SDK1: variants seen among roughly 807,000 people sequenced by gnomAD.
SDK1 encodes protein sidekick-1.
Under a neutral mutation model 245.5 loss-of-function variants are expected in SDK1, and 157 were observed. The observed-to-expected ratio is 0.64, with a 90% CI of 0.56 to 0.73. SDK1 has a LOEUF of 0.73. Ranked by LOEUF, SDK1 falls within the 30% of genes least tolerant of loss-of-function variation. The pLI is 0.00. For synonymous variants in SDK1, 1,647 were observed against 1,278.5 expected (o/e 1.29, Z -6.15); for missense variants, 3,583 against 3,002.3 (o/e 1.19, Z -4.52).
In SDK1 at chr7:4,267,101, GTT is replaced by G. The variant is rs1408953655; in HGVS notation, c.*1720_*1721del. On this transcript the variant is annotated 3_prime_UTR_variant, in exon 45 of 45. Coordinates refer to ENST00000404826, the MANE Select transcript of SDK1 (RefSeq NM_152744.4). ...GTATGGCCCCAGGAGACCAAGGAGA[GTT>G]TTGTATAGGCTGGAAAACCCCTTTT... 1.1e-5 allele frequency: 11 copies of G among 985,346 alleles called. No homozygotes were observed. The highest frequency in any genetic ancestry group is 1.3e-5 in the Non-Finnish European group (11 of 829,962). The allele number at this position is 985,346 out of a possible 1,614,324, so 61.0% of individuals were successfully genotyped here. A position where few individuals can be genotyped will look rare whatever the true frequency, so the allele number is the denominator to read the frequency against.
rs535883753 is a variant in SDK1 at position 3,529,340 on chromosome 7, G to T, written c.299-89740G>T. ...AAAGGGAAGGGAACCAAGGCTCCTT[G>T]AAGGAATAGTTAATTCCAGGATAAG... is the stretch of plus-strand genomic sequence containing the variant. On this transcript the variant is annotated intron_variant, in intron 1 of 44. Transcript: ENST00000404826. Among the ~76,000 whole-genome samples, 8 of 152,302 alleles carry T rather than the reference G, an allele frequency of 5.3e-5. No homozygotes were observed. The South Asian group carries it at 1.7e-3, about 32-fold the overall frequency.
chr7:3,779,658 C>T (rs990489231), intron 4 of SDK1, among the ~76,000 whole-genome samples: 12 of 152,230 alleles, frequency 7.9e-5, no homozygotes, highest in Non-Finnish European at 1.3e-4. Context: ...TGAGTCCGGG[C>T]GCGGTGGCTC....
rs534031413 is a variant in SDK1 at position 4,116,711 on chromosome 7, C to G, written c.3823+2437C>G. Among the ~76,000 whole-genome samples the G allele has an allele frequency of 1.6e-3, 237 of 152,322 alleles. 2 individuals are homozygous for G. Among genetic ancestry groups the G allele is most frequent in the African/African-American group, 5.5e-3 (229 of 41,556 alleles). On this transcript the variant is annotated intron_variant, in intron 25 of 44. Coordinates refer to ENST00000404826, the MANE Select transcript of SDK1 (RefSeq NM_152744.4). ...TCAGAGGGCAGGAGGTGAGGGTAGACAGGAGGACTCTTAAGCAGTAGCAGG... is the reference window on the plus strand; with the variant it reads ...TCAGAGGGCAGGAGGTGAGGGTAGAGAGGAGGACTCTTAAGCAGTAGCAGG...
At chr7:4,203,632 C>T (rs7801698) in intron 35 of SDK1, among the ~76,000 whole-genome samples, 1 of 151,838 alleles carries the variant, frequency 6.6e-6, no homozygotes, top group Admixed American at 6.6e-5. Flanking sequence ...TGCTCCGTGT[C>T]TCCCAAACTG....
chr7:3,368,706 C>G (rs1781151112), intron 1 of SDK1, among the ~76,000 whole-genome samples: 1 of 152,180 alleles, frequency 6.6e-6, no homozygotes, highest in Non-Finnish European at 1.5e-5. Context: ...AGCATCAGGA[C>G]ACTGTCTGTG....
At chr7:4,194,410 A>ATGTGTATACATATATGTATGCACG (rs1562416239) in intron 35 of SDK1, among the ~76,000 whole-genome samples, 1 of 98,780 alleles carries the variant, frequency 1.0e-5, no homozygotes, top group Admixed American at 9.2e-5. Context: ...ATGTATGCAC[A>ATGTGTATACATATATGTATGCACG]TATGTGTATA....
intron 6 of SDK1, 151 bp from the exon 7 acceptor site, chr7:3,951,579 A>G: frequency 4.7e-6 from 3 of 642,954 alleles, no homozygotes; most frequent in Non-Finnish European, 8.2e-6. Flanking sequence ...GTAGAGTTAC[A>G]TCTAGATTGA....
chr7:3,654,300 T>G (rs140163472), intron 4 of SDK1, among the ~76,000 whole-genome samples: 2,220 of 152,218 alleles, frequency 0.015, 18 homozygotes, highest in Non-Finnish European at 0.021. Context: ...TGGGGCAAAT[T>G]AGTGTCCCTC....
intron 1 of SDK1, among the ~76,000 whole-genome samples, chr7:3,495,873 C>T (rs927836991): frequency 5.3e-5 from 8 of 152,216 alleles, no homozygotes; most frequent in African/African-American, 1.4e-4. Context: ...TGCCAGCGGT[C>T]TCCTGAGTTA....
At chr7:3,444,499 A>G (rs1040973594) in intron 1 of SDK1, among the ~76,000 whole-genome samples, 4 of 152,168 alleles carry the variant, frequency 2.6e-5, no homozygotes, top group Admixed American at 6.5e-5. Context: ...AAAAAGAGGA[A>G]CTATTTTCTC....
At chr7:3,744,607 C>T (rs560815165) in intron 4 of SDK1, among the ~76,000 whole-genome samples, 10 of 152,122 alleles carry the variant, frequency 6.6e-5, no homozygotes, top group South Asian at 4.2e-4. Context: ...GTCAGGAGAT[C>T]GAGACCATCC....
intron 1 of SDK1, among the ~76,000 whole-genome samples, chr7:3,362,302 CT>C (rs1475982768): frequency 1.3e-5 from 2 of 152,132 alleles, no homozygotes; most frequent in African/African-American, 2.4e-5. Flanking sequence ...CTTCTTTCAC[CT>C]TTTTGAAGAC....
At chr7:4,244,584 G>A (rs934291199) in intron 43 of SDK1, among the ~76,000 whole-genome samples, 2 of 152,230 alleles carry the variant, frequency 1.3e-5, no homozygotes, top group African/African-American at 4.8e-5. Flanking sequence ...TCGCTGCATG[G>A]CAAATGATCA....
intron 4 of SDK1, among the ~76,000 whole-genome samples, chr7:3,697,586 C>T (rs1271418315): frequency 6.6e-6 from 1 of 152,152 alleles, no homozygotes; most frequent in Non-Finnish European, 1.5e-5. Flanking sequence ...CTGCTTGCCC[C>T]ACATGATTCT....
chr7:3,597,271 CAAAA>C (rs59830553), intron 1 of SDK1, among the ~76,000 whole-genome samples: 9 of 89,428 alleles, frequency 1.0e-4, no homozygotes, highest in South Asian at 3.7e-4. Flanking sequence ...GACTTGGTCT[CAAAA>C]AAAAAAAAAA....
At chr7:3,776,733 G>A (rs1266996133) in intron 4 of SDK1, among the ~76,000 whole-genome samples, 1 of 150,910 alleles carries the variant, frequency 6.6e-6, no homozygotes, top group Non-Finnish European at 1.5e-5. Context: ...AAGAAATACA[G>A]TAGATACTCA....
intron 1 of SDK1, among the ~76,000 whole-genome samples, chr7:3,526,705 C>T (rs988863753): frequency 5.3e-5 from 8 of 152,118 alleles, no homozygotes; most frequent in Admixed American, 2.0e-4. Flanking sequence ...TGCCATCAAT[C>T]TGTCTCATTT....
At chr7:3,392,187 T>C (rs1468503031) in intron 1 of SDK1, among the ~76,000 whole-genome samples, 3 of 152,102 alleles carry the variant, frequency 2.0e-5, no homozygotes, top group East Asian at 1.9e-4. Flanking sequence ...TTTCAAACTT[T>C]ACAGAAGTAA....
At chr7:4,113,246 A>G in intron 23 of SDK1, 43 bp from the exon 24 acceptor site, 2 of 1,594,332 alleles carry the variant, frequency 1.3e-6, no homozygotes, top group South Asian at 1.1e-5. Flanking sequence ...TTTCCTTCTT[A>G]CCTTTGCTTT....
Sources: gnomAD v4.1 joint callset for allele counts (sites outside exome capture counted in the v4.1 genomes callset) on GRCh38, gnomAD v4.1.1 for gene constraint, MANE v1.5 for transcripts, NCBI Gene and HGNC (gene_info 2026-07-23, HGNC 2026-07-21) for gene names.